The following PRELP variants were observed in gnomAD, a reference collection of about 807,000 sequenced individuals.
PRELP encodes the protein prolargin.
PRELP carries 16 observed loss-of-function variants against 22.8 expected under a neutral mutation model. The observed-to-expected ratio is 0.70, with a 90% confidence interval of 0.47 to 1.06. The LOEUF is 1.06. Ranked by LOEUF, PRELP falls within the 50% of genes least tolerant of loss-of-function variation. PRELP has a pLI of 0.00. For synonymous variants in PRELP, 233 were observed against 211.4 expected (o/e 1.10, Z -0.89); for missense variants, 434 against 485.2 (o/e 0.89, Z 0.99).
chr1:203,487,014 G>A lies in PRELP; in HGVS notation c.*133G>A. On this transcript the variant is annotated 3_prime_UTR_variant, in exon 3 of 3. Transcript: ENST00000343110. ...CCTCCCTTATCCCACCCTCGAGGCA[G>A]GGAAAAGCCATCTATTCTTCTGCAG... 1.9e-6 allele frequency: 2 copies of A among 1,070,922 alleles called. No individual in the cohort carries two copies. The highest frequency in any genetic ancestry group is 2.6e-6 in the Non-Finnish European group (2 of 770,686). The allele number at this position is 1,070,922 out of a possible 1,614,324, so 66.3% of individuals were successfully genotyped here.
rs1178978218 is a variant in PRELP at position 203,487,048 on chromosome 1, G to A, written c.*167G>A. ...CATCTATTCTTCTGCAGCCTCAGGA[G>A]CGAGACTTCAAGGACTCAGTTTGGT... On this transcript the variant is annotated 3_prime_UTR_variant, in exon 3 of 3. Transcript: ENST00000343110. 2 of 798,878 alleles carry A rather than the reference G, an allele frequency of 2.5e-6. No individual in the cohort carries two copies. Among genetic ancestry groups the A allele is most frequent in the South Asian group, 2.1e-5 (1 of 48,240 alleles). 49.5% of individuals were successfully genotyped at this position (798,878 alleles called of 1,614,324 possible).
chr1:203,476,133 C>T (rs1473691120), intron 1 of PRELP, among the ~76,000 whole-genome samples, 195 bp downstream of exon 1: 1 of 152,166 alleles, frequency 6.6e-6, no homozygotes, highest in Admixed American at 6.5e-5. Context: ...TTCTTTTCAT[C>T]ACTCTGTACC....
chr1:203,477,541 C>T (rs1660932040), intron 1 of PRELP, among the ~76,000 whole-genome samples: 1 of 152,058 alleles, frequency 6.6e-6, no homozygotes. Flanking sequence ...GCCCCAGGAC[C>T]CCAGGAGCAT....
rs574820319 is a variant in PRELP, at chr1:203,481,086, C to A, written c.-16-2083C>A. Among the ~76,000 whole-genome samples the A allele has an allele frequency of 3.4e-5, 5 of 149,090 alleles. No homozygotes were observed. The East Asian group carries it at 1.1e-3, about 32-fold the overall frequency. On this transcript the variant is annotated intron_variant, in intron 1 of 2. Transcript: ENST00000343110. ...GCTGGAAGCCCTGGGCAAATTGGTGCCCAGTCCCTGGCATATGCTTTCGGT... is the reference window on the plus strand; with the variant it reads ...GCTGGAAGCCCTGGGCAAATTGGTGACCAGTCCCTGGCATATGCTTTCGGT...
chr1:203,486,824 G>T lies in PRELP; in HGVS notation c.1092G>T (p.Pro364=). 2 of 1,614,118 alleles carry T rather than the reference G, an allele frequency of 1.2e-6. No individual in the cohort carries two copies. The highest frequency in any genetic ancestry group is 1.7e-6 in the Non-Finnish European group (2 of 1,179,998). The change falls in exon 3 of 3, where the codon CCG becomes CCT. Residue 364 remains proline (P), a synonymous_variant. Coordinates refer to ENST00000343110, the MANE Select transcript of PRELP (RefSeq NM_002725.4). Reference sequence around the variant, plus strand: ...GGCTGGATGGAAACTACTTGAAGCCGCCCATCCCGCTGGACCTCATGATGT... The same window carrying T: ...GGCTGGATGGAAACTACTTGAAGCCTCCCATCCCGCTGGACCTCATGATGT... The part of the protein sequence containing the change: ...YLRLDGNYLK[P]PIPLDLMMCF...
intron 1 of PRELP, among the ~76,000 whole-genome samples, chr1:203,482,405 A>G (rs1218001624): frequency 6.6e-6 from 1 of 150,840 alleles, no homozygotes; most frequent in African/African-American, 2.4e-5. Context: ...CAGCCTCCCA[A>G]GTAGCTGAGA....
At chr1:203,478,166 C>A (rs1660943959) in intron 1 of PRELP, among the ~76,000 whole-genome samples, 1 of 152,138 alleles carries the variant, frequency 6.6e-6, no homozygotes, top group African/African-American at 2.4e-5. Context: ...TGTTAGTATC[C>A]CCATTTTATA....
Position 203,483,140 on chromosome 1 carries a change from T to TAATG in PRELP, c.-16-27_-16-24dup. The TAATG allele has an allele frequency of 6.7e-7, 1 of 1,484,108 alleles. No individual in the cohort carries two copies. The highest frequency in any genetic ancestry group is 1.3e-5 in the South Asian group (1 of 74,412). 91.9% of individuals were successfully genotyped at this position (1,484,108 alleles called of 1,614,324 possible). On this transcript the variant is annotated intron_variant, in intron 1 of 2. Coordinates refer to ENST00000343110, the MANE Select transcript of PRELP (RefSeq NM_002725.4). This position sits in a 1 kb window ranked among gnomAD's most constrained non-coding sequence, Gnocchi z 4.4. ...CAACTAGTTACTGAGGGCCCAAGGA[T>TAATG]AATGACCTTATGTGTCTTCTCCCTG... is the stretch of plus-strand genomic sequence containing the variant.
At position 203,488,824 on chromosome 1, in the gene PRELP, G is replaced by C. The variant is rs562864922; in HGVS notation, c.*1943G>C. ...ATGCTGCCCCTTCTCAGCCCCCTGC[G>C]TGTGTATATTGGTGGGAGGCATAGA... On this transcript the variant is annotated 3_prime_UTR_variant, in exon 3 of 3. Coordinates refer to ENST00000343110, the MANE Select transcript of PRELP (RefSeq NM_002725.4). 1.3e-5 allele frequency: 2 copies of C among 152,144 alleles called. No individual in the cohort carries two copies. The highest frequency in any genetic ancestry group is 4.8e-5 in the African/African-American group (2 of 41,400). The allele number at this position is 152,144 out of a possible 1,614,324, so 9.4% of individuals were successfully genotyped here. A position where few individuals can be genotyped will look rare whatever the true frequency, so the allele number is the denominator to read the frequency against.
In PRELP at chr1:203,489,127, C is replaced by T. The variant is rs534496723; in HGVS notation, c.*2246C>T. On this transcript the variant is annotated 3_prime_UTR_variant, in exon 3 of 3. Transcript: ENST00000343110. ...CTTAAAGTCCACACGTTATTATGGC[C>T]GAAAGCAACCTGGTGCTTCGGCCTG... 1 of 152,736 alleles carries T rather than the reference C, an allele frequency of 6.5e-6. No homozygotes were observed. The highest frequency in any genetic ancestry group is 1.9e-4 in the East Asian group (1 of 5,176). The allele number at this position is 152,736 out of a possible 1,614,324, so 9.5% of individuals were successfully genotyped here.
At position 203,483,892 on chromosome 1, in the gene PRELP, G is replaced by A; in HGVS notation, c.708G>A (p.Met236Ile). The A allele has an allele frequency of 6.2e-7, 1 of 1,614,204 alleles. No homozygotes were observed. The highest frequency in any genetic ancestry group is 8.5e-7 in the Non-Finnish European group (1 of 1,180,042). Residue 236 changes from methionine (M) to isoleucine (I), a missense_variant, in exon 2 of 3, where the codon ATG becomes ATA. By Grantham distance (10) the Met-to-Ile change is conservative. Coordinates refer to ENST00000343110, the MANE Select transcript of PRELP (RefSeq NM_002725.4). This position sits in a 1 kb window ranked among gnomAD's most constrained non-coding sequence, Gnocchi z 4.4. ...LNLAHNILRK[M>I]PPRVPTAIHQ... ...TGGCCCACAACATCCTGAGAAAGAT[G>A]CCGCCCAGGGTCCCCACCGCCATTC...
Position 203,485,916 on chromosome 1 carries a change from C to T in PRELP, c.974-790C>T, listed in dbSNP as rs57508014. 5.6e-3 allele frequency among the ~76,000 whole-genome samples: 852 copies of T among 152,244 alleles called. 9 individuals carry two copies. The highest frequency in any genetic ancestry group is 0.02 in the African/African-American group (820 of 41,526). The stretch of plus-strand genomic sequence containing the variant: ...TCAGAATCAGTAGGCTCATCATGTC[C>T]CGGGGGTTCCGGAGCTCTCCCCAGA... On this transcript the variant is annotated intron_variant, in intron 2 of 2. Transcript: ENST00000343110.
intron 2 of PRELP, among the ~76,000 whole-genome samples, chr1:203,486,305 A>C (rs1448362132): frequency 1.0e-5 from 1 of 97,072 alleles, no homozygotes; most frequent in Non-Finnish European, 1.9e-5. Context: ...TCCTTAGTAC[A>C]TCACATTGGG....
At chr1:203,480,115 C>T (rs1430904720) in intron 1 of PRELP, among the ~76,000 whole-genome samples, 1 of 152,126 alleles carries the variant, frequency 6.6e-6, no homozygotes, top group Admixed American at 6.5e-5. Context: ...AATTAAGATT[C>T]TCTTAGGAAA....
At chr1:203,484,239 G>A in intron 2 of PRELP, 82 bp downstream of exon 2, 2 of 1,523,220 alleles carry the variant, frequency 1.3e-6, no homozygotes, top group Non-Finnish European at 1.8e-6. Context: ...GGAGACTCAG[G>A]GTGGGGTGGT....
rs1447234971 is a variant in PRELP at position 203,488,351 on chromosome 1, C to G, written c.*1470C>G. The G allele has an allele frequency of 6.6e-6, 1 of 152,146 alleles. No individual in the cohort carries two copies. The highest frequency in any genetic ancestry group is 1.5e-5 in the Non-Finnish European group (1 of 68,058). 9.4% of individuals were successfully genotyped at this position (152,146 alleles called of 1,614,324 possible). A position where few individuals can be genotyped will look rare whatever the true frequency, so the allele number is the denominator to read the frequency against. ...CTGGGCAACATGGTGAAACCCCCGT[C>G]TCTACTAAAATACAAAAAAATTAGC... On this transcript the variant is annotated 3_prime_UTR_variant, in exon 3 of 3. Coordinates refer to ENST00000343110, the MANE Select transcript of PRELP (RefSeq NM_002725.4).
Position 203,486,804 on chromosome 1 carries a change from G to T in PRELP, c.1072G>T (p.Asp358Tyr), listed in dbSNP as rs745770253. The T allele has an allele frequency of 6.2e-7, 1 of 1,614,198 alleles. No homozygotes were observed. Among genetic ancestry groups the T allele is most frequent in the East Asian group, 2.2e-5 (1 of 44,886 alleles). The change falls in exon 3 of 3, where the codon GAT becomes TAT. Residue 358 changes from aspartate to tyrosine, a missense_variant. Coordinates refer to ENST00000343110, the MANE Select transcript of PRELP (RefSeq NM_002725.4). The part of the protein sequence containing the change: ...NVPHLRYLRL[D>Y]GNYLKPPIPL... ...GCCACACCTGCGCTACCTGCGGCTG[G>T]ATGGAAACTACTTGAAGCCGCCCAT...
rs1661032373 is a variant in PRELP at position 203,483,121 on chromosome 1, G to C, written c.-16-48G>C. The C allele has an allele frequency of 1.4e-6, 2 of 1,429,614 alleles. No homozygotes were observed. Among genetic ancestry groups the C allele is most frequent in the South Asian group, 2.8e-5 (2 of 71,934 alleles). The allele number at this position is 1,429,614 out of a possible 1,614,324, so 88.6% of individuals were successfully genotyped here. A position where few individuals can be genotyped will look rare whatever the true frequency, so the allele number is the denominator to read the frequency against. ...TCTGGCTTCAAAAACATGACAACTAGTTACTGAGGGCCCAAGGATAATGAC... is the reference window on the plus strand; with the variant it reads ...TCTGGCTTCAAAAACATGACAACTACTTACTGAGGGCCCAAGGATAATGAC... On this transcript the variant is annotated intron_variant, in intron 1 of 2. Transcript: ENST00000343110. The surrounding 1 kb of genome is among the most constrained non-coding windows in gnomAD (Gnocchi z 4.4).
Position 203,487,049 on chromosome 1 carries a change from C to A in PRELP, c.*168C>A, listed in dbSNP as rs947144631. 5 of 787,942 alleles carry A rather than the reference C, an allele frequency of 6.3e-6. No homozygotes were observed. Among genetic ancestry groups the A allele is most frequent in the Non-Finnish European group, 9.6e-6 (5 of 522,398 alleles). 48.8% of individuals were successfully genotyped at this position (787,942 alleles called of 1,614,324 possible). Reference sequence around the variant, plus strand: ...ATCTATTCTTCTGCAGCCTCAGGAGCGAGACTTCAAGGACTCAGTTTGGTT... The same window carrying A: ...ATCTATTCTTCTGCAGCCTCAGGAGAGAGACTTCAAGGACTCAGTTTGGTT... On this transcript the variant is annotated 3_prime_UTR_variant, in exon 3 of 3. Transcript: ENST00000343110.
Sources: gnomAD v4.1 joint callset for allele counts (sites outside exome capture counted in the v4.1 genomes callset) on GRCh38, gnomAD v4.1.1 for gene constraint, Gnocchi (gnomAD v3.1) non-coding constraint, MANE v1.5 for transcripts, NCBI Gene and HGNC (gene_info 2026-07-23, HGNC 2026-07-21) for gene names.